ALDH3A2: variants seen among roughly 807,000 people sequenced by gnomAD.
The protein encoded by ALDH3A2 is aldehyde dehydrogenase family 3 member A2.
ALDH3A2 carries 36 observed loss-of-function variants against 51.3 expected under a neutral mutation model. The ratio of observed to expected loss-of-function variants is 0.70; its 90% confidence interval spans 0.54 to 0.93. ALDH3A2 has a LOEUF of 0.93. Ranked by LOEUF, ALDH3A2 falls within the 40% of genes least tolerant of loss-of-function variation. ALDH3A2 has a pLI of 0.00. For missense variants in ALDH3A2, 552 were observed against 603.1 expected, an observed-to-expected ratio of 0.92 and a Z score of 0.89; for synonymous variants, 199 against 219.8, an observed-to-expected ratio of 0.91 and a Z score of 0.84.
chr17:19,664,780 T>G (rs1201939255), intron 7 of ALDH3A2, among the ~76,000 whole-genome samples, 168 bp from the exon 8 acceptor site: 1 of 152,178 alleles, frequency 6.6e-6, no homozygotes, highest in Admixed American at 6.5e-5. Flanking sequence ...TTGAGATTGT[T>G]TGTCTATCTG....
chr17:19,661,296 G>A (rs1487076297), intron 6 of ALDH3A2, 28 bp downstream of exon 6: 2 of 1,614,064 alleles, frequency 1.2e-6, no homozygotes, highest in Non-Finnish European at 1.7e-6. Flanking sequence ...TTTCCTATGG[G>A]AAGATGGCAA....
intron 8 of ALDH3A2, among the ~76,000 whole-genome samples, chr17:19,671,316 A>G (rs549314606): frequency 7.2e-5 from 11 of 152,348 alleles, no homozygotes; most frequent in African/African-American, 2.4e-4. Context: ...TGGCTTTGCC[A>G]CTTAGCAGCC....
At chr17:19,655,434 C>G (rs2084881787) in intron 3 of ALDH3A2, 1 of 152,212 alleles carries the variant, frequency 6.6e-6, no homozygotes, top group Non-Finnish European at 1.5e-5. Context: ...ATAACTGACT[C>G]TGTCCGGATA....
At chr17:19,671,605 T>G in intron 8 of ALDH3A2, 116 bp from the exon 9 acceptor site, 2 of 879,980 alleles carry the variant, frequency 2.3e-6, no homozygotes, top group Admixed American at 3.5e-5. Flanking sequence ...GGCAGAGATG[T>G]TCAGTGGGGT....
chr17:19,666,608 C>G (rs2085041059), intron 8 of ALDH3A2, among the ~76,000 whole-genome samples: 1 of 152,054 alleles, frequency 6.6e-6, no homozygotes, highest in Non-Finnish European at 1.5e-5. Flanking sequence ...GAAACCCCAT[C>G]TCTACTAAAA....
intron 9 of ALDH3A2, 114 bp from the exon 10 acceptor site, chr17:19,675,444 G>A: frequency 9.3e-7 from 1 of 1,072,704 alleles, no homozygotes; most frequent in Middle Eastern, 2.0e-4. Context: ...TGCATGTAGA[G>A]TCTCTTCAGA....
chr17:19,665,186 C>T lies in ALDH3A2; in HGVS notation c.1207+139C>T, dbSNP rs991479164. ...CCTGAGGGAGACCTTTTCCTGGTCA[C>T]CCAGTTGACTGGTTTTCCTGCTTCC... On this transcript the variant is annotated intron_variant, in intron 8 of 9. Transcript: ENST00000176643. 1.5e-4 allele frequency: 117 copies of T among 771,836 alleles called. No homozygotes were observed. In the African/African-American group the frequency reaches 1.9e-3, roughly 12 times the overall value. 47.8% of individuals were successfully genotyped at this position (771,836 alleles called of 1,614,324 possible).
intron 7 of ALDH3A2, 103 bp downstream of exon 7, chr17:19,663,602 T>G (rs1402716846): frequency 7.2e-7 from 1 of 1,387,532 alleles, no homozygotes; most frequent in Non-Finnish European, 1.0e-6. Flanking sequence ...ACAATGATGG[T>G]TTCTTTTGTG....
At chr17:19,650,333 G>C (rs931480745) in intron 1 of ALDH3A2, among the ~76,000 whole-genome samples, 1 of 151,606 alleles carries the variant, frequency 6.6e-6, no homozygotes, top group Non-Finnish European at 1.5e-5. Flanking sequence ...CCAGGCTGAA[G>C]TGCAGTGACT....
intron 8 of ALDH3A2, among the ~76,000 whole-genome samples, chr17:19,668,549 A>G (rs2085069713): frequency 6.6e-6 from 1 of 152,130 alleles, no homozygotes; most frequent in Non-Finnish European, 1.5e-5. Flanking sequence ...CATCTGGCCT[A>G]AGCCTGTGTG....
chr17:19,675,940 C>T lies in ALDH3A2; in HGVS notation c.*368C>T, dbSNP rs2085181585. ...ACTGCTCACTTCCTGCCTCTGCTGC[C>T]ACCATCACTGTGTGAAGCTTTCAAG... On this transcript the variant is annotated 3_prime_UTR_variant, in exon 10 of 10. Transcript: ENST00000176643. 3.1e-6 allele frequency: 1 copy of T among 326,582 alleles called. No individual in the cohort carries two copies. The highest frequency in any genetic ancestry group is 5.8e-6 in the Non-Finnish European group (1 of 171,738). 20.2% of individuals were successfully genotyped at this position (326,582 alleles called of 1,614,324 possible). A position where few individuals can be genotyped will look rare whatever the true frequency, so the allele number is the denominator to read the frequency against.
Position 19,652,577 on chromosome 17 carries a change from T to C in ALDH3A2, c.416T>C (p.Leu139Pro). ...GCTGTGATTATAAAGCCTTCTGAACTGAGTGAAAATACAGCCAAGATCTTG... is the reference window on the plus strand; with the variant it reads ...GCTGTGATTATAAAGCCTTCTGAACCGAGTGAAAATACAGCCAAGATCTTG... ...GNAVIIKPSELSENTAKILAK... is the reference protein window; with the variant it reads ...GNAVIIKPSEPSENTAKILAK... Residue 139 changes from leucine (L) to proline (P), a missense_variant, in exon 3 of 10, where the codon CTG (leucine) becomes CCG (proline). Transcript: ENST00000176643. The C allele has an allele frequency of 6.2e-7, 1 of 1,614,108 alleles. No homozygotes were observed. Among genetic ancestry groups the C allele is most frequent in the East Asian group, 2.2e-5 (1 of 44,888 alleles).
chr17:19,662,519 T>C (rs2084979475), intron 6 of ALDH3A2, among the ~76,000 whole-genome samples: 1 of 152,242 alleles, frequency 6.6e-6, no homozygotes, highest in African/African-American at 2.4e-5. Flanking sequence ...TTTGGAGTAC[T>C]GCTAGTTGGT....
At position 19,654,448 on chromosome 17, in the gene ALDH3A2, C is replaced by T. The variant is rs775712922; in HGVS notation, c.471+1816C>T. 2.6e-5 allele frequency among the ~76,000 whole-genome samples: 4 copies of T among 152,320 alleles called. No individual in the cohort carries two copies. The highest frequency in any genetic ancestry group is 4.8e-5 in the African/African-American group (2 of 41,572). On this transcript the variant is annotated intron_variant, in intron 3 of 9. Transcript: ENST00000176643. This position sits in a 1 kb window ranked among gnomAD's most constrained non-coding sequence, Gnocchi z 4.5. ...CTTGGGCATGGCGGGCTGCAGGTCC[C>T]GAGCCCTGCCCTGCGGGGAGGTGGC...
chr17:19,655,033 A>C (rs1453754625), intron 3 of ALDH3A2, among the ~76,000 whole-genome samples: 1 of 152,094 alleles, frequency 6.6e-6, no homozygotes, highest in African/African-American at 2.4e-5. Context: ...AAAGAAAATG[A>C]TCTGCCCAAC....
At position 19,671,850 on chromosome 17, in the gene ALDH3A2, C is replaced by T. The variant is rs374786497; in HGVS notation, c.1337C>T (p.Ser446Leu). 15 of 1,614,138 alleles carry T rather than the reference C, an allele frequency of 9.3e-6. No individual in the cohort carries two copies. Among genetic ancestry groups the T allele is most frequent in the African/African-American group, 1.3e-5 (1 of 75,026 alleles). ...NKLRYPPNSQ[S>L]KVDWGKFFLL... ...CTCAGATATCCTCCCAACAGCCAGT[C>T]AAAGGTGGATTGGGGAAAATTTTTT... Residue 446 changes from serine (S) to leucine (L), a missense_variant, in exon 9 of 10, where the codon TCA becomes TTA. Physicochemically the swap from Ser to Leu is moderately radical, Grantham distance 145. Coordinates refer to ENST00000176643, the MANE Select transcript of ALDH3A2 (RefSeq NM_000382.3).
intron 8 of ALDH3A2, among the ~76,000 whole-genome samples, chr17:19,668,600 GAAA>G (rs1163279992): frequency 0.26 from 38,326 of 145,176 alleles, 5,888 homozygotes; most frequent in East Asian, 0.47. Flanking sequence ...AGTAGGCTTA[GAAA>G]AGCTTTCCCT....
chr17:19,648,657 G>A, upstream of ALDH3A2: 1 of 440,534 alleles, frequency 2.3e-6, no homozygotes, highest in Non-Finnish European at 4.2e-6. Context: ...TGCCAGAGCC[G>A]GGGAGAGGGC....
chr17:19,653,478 TCTTC>T (rs2084847063), intron 3 of ALDH3A2, among the ~76,000 whole-genome samples: 1 of 152,204 alleles, frequency 6.6e-6, no homozygotes, highest in Admixed American at 6.5e-5. Flanking sequence ...GTTCGGAGTT[TCTTC>T]CTTCTGGTGG....
Sources: gnomAD v4.1 joint callset for allele counts (sites outside exome capture counted in the v4.1 genomes callset) on GRCh38, gnomAD v4.1.1 for gene constraint, Gnocchi (gnomAD v3.1) non-coding constraint, MANE v1.5 for transcripts, NCBI Gene and HGNC (gene_info 2026-07-23, HGNC 2026-07-21) for gene names.